The following ZNF292 variants were observed in gnomAD, a reference collection of about 807,000 sequenced individuals.
The protein encoded by ZNF292 is zinc finger protein 292.
Under a neutral mutation model 217.9 loss-of-function variants are expected in ZNF292, and 26 were observed. The ratio of observed to expected loss-of-function variants is 0.12; its 90% CI spans 0.09 to 0.17. ZNF292 has a LOEUF of 0.17. ZNF292 is among the 10% of genes least tolerant of loss of function. The pLI, the probability that ZNF292 is intolerant of heterozygous loss-of-function variation, is 1.00. For missense variants in ZNF292, 2,904 were observed against 3,175.2 expected (o/e 0.91, Z 2.05); for synonymous variants, 1,257 against 1,124.1 (o/e 1.12, Z -2.37).
In ZNF292 at chr6:87,262,666, G is replaced by A. The variant is rs1381136967; in HGVS notation, c.*865G>A. ...TGTGATAGAAAACTAGTAGTGTGGA[G>A]CAGTGTAAATATTTGAGGTGGTGAT... On this transcript the variant is annotated 3_prime_UTR_variant, in exon 8 of 8. Coordinates refer to ENST00000369577, the MANE Select transcript of ZNF292 (RefSeq NM_015021.3). The A allele has an allele frequency of 6.6e-6, 1 of 151,942 alleles. No homozygotes were observed. The highest frequency in any genetic ancestry group is 1.5e-5 in the Non-Finnish European group (1 of 67,882). The allele number at this position is 151,942 out of a possible 1,614,324, so 9.4% of individuals were successfully genotyped here.
chr6:87,158,052 C>G (rs555046044), intron 1 of ZNF292, among the ~76,000 whole-genome samples: 3 of 152,112 alleles, frequency 2.0e-5, no homozygotes, highest in Non-Finnish European at 2.9e-5. Context: ...TTTTAAAAAT[C>G]AGAATGAAAG....
chr6:87,178,966 T>G (rs1048759773), intron 1 of ZNF292, among the ~76,000 whole-genome samples: 1 of 152,136 alleles, frequency 6.6e-6, no homozygotes, highest in African/African-American at 2.4e-5. Context: ...CTTTATTCTA[T>G]ATTAGTGGGA....
chr6:87,205,420 T>G (rs937550969), intron 1 of ZNF292, among the ~76,000 whole-genome samples: 2 of 152,160 alleles, frequency 1.3e-5, no homozygotes, highest in Non-Finnish European at 2.9e-5. Flanking sequence ...TTATTTTTTT[T>G]TCTTAACCTG....
At position 87,260,469 on chromosome 6, in the gene ZNF292, G is replaced by A; in HGVS notation, c.6840G>A (p.Lys2280=). 6.2e-7 allele frequency: 1 copy of A among 1,613,534 alleles called. No homozygotes were observed. The highest frequency in any genetic ancestry group is 1.1e-5 in the South Asian group (1 of 91,058). The change falls in exon 8 of 8, where the codon AAG becomes AAA. Residue 2280 remains lysine, a synonymous_variant. Transcript: ENST00000369577. ...ATCTCCTCCGACACATTTTTAATAA[G>A]CATAATGACAAACATAAGGCTCATT... is the stretch of plus-strand genomic sequence containing the variant. ...RSNLLRHIFN[K]HNDKHKAHLI...
chr6:87,198,105 A>C (rs969706549), intron 1 of ZNF292, among the ~76,000 whole-genome samples: 8 of 152,218 alleles, frequency 5.3e-5, no homozygotes, highest in African/African-American at 1.9e-4. Flanking sequence ...AGATAGCTAG[A>C]GATCTGTGTA....
rs777609119 is a variant in ZNF292 at position 87,261,575 on chromosome 6, A to G, written c.7946A>G (p.Glu2649Gly). ...GNHVCPCKES[E>G]TFVQFANPSQ... Reference sequence around the variant, plus strand: ...CATGTATGTCCTTGTAAAGAAAGCGAAACGTTTGTACAGTTTGCCAATCCA... The same window carrying G: ...CATGTATGTCCTTGTAAAGAAAGCGGAACGTTTGTACAGTTTGCCAATCCA... The change falls in exon 8 of 8, where the codon GAA (glutamate) becomes GGA (glycine). Residue 2649 changes from glutamate (E) to glycine (G), a missense_variant. Glu to Gly is a moderately conservative substitution (Grantham distance 98). Transcript: ENST00000369577. The G allele has an allele frequency of 9.3e-6, 15 of 1,610,944 alleles. No individual in the cohort carries two copies. The highest frequency in any genetic ancestry group is 1.3e-5 in the Non-Finnish European group (15 of 1,178,378).
intron 4 of ZNF292, among the ~76,000 whole-genome samples, chr6:87,222,607 A>C (rs572653941): frequency 1.3e-5 from 2 of 152,326 alleles, no homozygotes; most frequent in Non-Finnish European, 2.9e-5. Flanking sequence ...AATTGTGAAG[A>C]GTTTCCATAT....
chr6:87,230,245 C>T (rs1373169688), intron 4 of ZNF292, among the ~76,000 whole-genome samples: 1 of 124,630 alleles, frequency 8.0e-6, no homozygotes, highest in African/African-American at 3.0e-5. Flanking sequence ...CAAAGGAAAT[C>T]ATGCAAATCT....
At chr6:87,175,882 C>T (rs2127775408) in intron 1 of ZNF292, among the ~76,000 whole-genome samples, 1 of 152,300 alleles carries the variant, frequency 6.6e-6, no homozygotes, top group African/African-American at 2.4e-5. Context: ...TCCTGGCCAA[C>T]TCCTCTTGGC....
At chr6:87,167,467 C>T (rs1027980224) in intron 1 of ZNF292, among the ~76,000 whole-genome samples, 4 of 152,076 alleles carry the variant, frequency 2.6e-5, no homozygotes, top group African/African-American at 9.7e-5. Context: ...ATGGTGAAAC[C>T]CCATCTCTAC....
chr6:87,204,895 CTG>C (rs1772201202), intron 1 of ZNF292, among the ~76,000 whole-genome samples: 1 of 151,990 alleles, frequency 6.6e-6, no homozygotes, highest in South Asian at 2.1e-4. Flanking sequence ...CTGTGTATGT[CTG>C]AGATTGGCCT....
intron 1 of ZNF292, among the ~76,000 whole-genome samples, chr6:87,198,830 G>A (rs891823638): frequency 2.0e-5 from 3 of 152,172 alleles, no homozygotes; most frequent in Admixed American, 6.5e-5. Context: ...TGGGATAAAA[G>A]CTATCAAATA....
intron 1 of ZNF292, among the ~76,000 whole-genome samples, chr6:87,163,218 G>A (rs531906233): frequency 2.0e-5 from 3 of 152,276 alleles, no homozygotes; most frequent in Admixed American, 6.5e-5. Flanking sequence ...TTGGGAGGCC[G>A]AGGCGGGCAG....
At chr6:87,250,269 CA>C (rs774990265) in intron 7 of ZNF292, among the ~76,000 whole-genome samples, 338 of 115,066 alleles carry the variant, frequency 2.9e-3, no homozygotes, top group Middle Eastern at 4.5e-3. Flanking sequence ...TGATCTCTAC[CA>C]AAAAAAAAAA....
Position 87,183,165 on chromosome 6 carries a change from T to C in ZNF292, c.168+27406T>C, listed in dbSNP as rs146336710. Among the ~76,000 whole-genome samples the C allele has an allele frequency of 9.4e-3, 1,438 of 152,324 alleles. 19 individuals are homozygous for C. Among genetic ancestry groups the C allele is most frequent in the African/African-American group, 0.033 (1,355 of 41,582 alleles). Reference sequence around the variant, plus strand: ...TTCTCCCCTGCAATTGAAAGAATGATGCTTCATTCAAGTCTTTGACACCTT... The same window carrying C: ...TTCTCCCCTGCAATTGAAAGAATGACGCTTCATTCAAGTCTTTGACACCTT... On this transcript the variant is annotated intron_variant, in intron 1 of 7. Transcript: ENST00000369577.
At chr6:87,237,884 T>C (rs1773978031) in intron 5 of ZNF292, among the ~76,000 whole-genome samples, 1 of 152,228 alleles carries the variant, frequency 6.6e-6, no homozygotes, top group South Asian at 2.1e-4. Context: ...ATTTTGCTTC[T>C]TTGGATTTTT....
At chr6:87,188,424 A>G (rs1051314121) in intron 1 of ZNF292, among the ~76,000 whole-genome samples, 1 of 152,162 alleles carries the variant, frequency 6.6e-6, no homozygotes, top group Non-Finnish European at 1.5e-5. Flanking sequence ...TTATATTTCT[A>G]TTATAAGCCT....
chr6:87,202,808 A>T (rs1024059611), intron 1 of ZNF292, among the ~76,000 whole-genome samples: 4 of 151,800 alleles, frequency 2.6e-5, no homozygotes. Context: ...TATTACATAC[A>T]GTAAGGGGGG....
chr6:87,228,015 C>A (rs1773445901), intron 4 of ZNF292, among the ~76,000 whole-genome samples: 1 of 152,174 alleles, frequency 6.6e-6, no homozygotes, highest in African/African-American at 2.4e-5. Context: ...TGAGGAACTT[C>A]TGTACTGTTT....
Sources: gnomAD v4.1 joint callset for allele counts (sites outside exome capture counted in the v4.1 genomes callset) on GRCh38, gnomAD v4.1.1 for gene constraint, MANE v1.5 for transcripts, NCBI Gene and HGNC (gene_info 2026-07-23, HGNC 2026-07-21) for gene names.